Variants in RYR1 observed in about 807,000 individuals in gnomAD.
The protein encoded by RYR1 is central core disease of muscle.
In RYR1, 342 loss-of-function variants were observed where a neutral mutation model predicts 583.5. That is an observed-to-expected ratio of 0.59 (90% confidence interval 0.54 to 0.64). The LOEUF is 0.64. Among genes scored for constraint, RYR1 ranks in the 30% least tolerant of loss-of-function variants. The pLI, the probability that RYR1 is intolerant of heterozygous loss-of-function variation, is 0.00. For synonymous variants in RYR1, 2,791 were observed against 2,822.5 expected, an observed-to-expected ratio of 0.99 and a Z score of 0.35; for missense variants, 6,032 against 6,917.2, an observed-to-expected ratio of 0.87 and a Z score of 4.54.
rs1393018982 is a variant in RYR1 at position 38,535,353 on chromosome 19, G to T, written c.11477G>T (p.Gly3826Val). 14 of 1,613,996 alleles carry T rather than the reference G, an allele frequency of 8.7e-6. No homozygotes were observed. The Admixed American group carries it at 2.2e-4, about 25-fold the overall frequency. ...LDYLKDKKEV[G>V]FFQSIQALMQ... ...TATCTTAAGGACAAGAAGGAAGTTGGCTTCTTCCAGAGTATCCAGGCACTG... is the reference window on the plus strand; with the variant it reads ...TATCTTAAGGACAAGAAGGAAGTTGTCTTCTTCCAGAGTATCCAGGCACTG... Residue 3826 changes from glycine to valine, a missense_variant, in exon 81 of 106, where the codon GGC (glycine) becomes GTC (valine). Gly to Val is a moderately radical substitution (Grantham distance 109). Around this residue, in one of 11 missense-constraint regions of RYR1, gnomAD observed 1,493 missense variants for 1,715.5 expected, o/e 0.87. Transcript: ENST00000359596.
chr19:38,519,604 C>A, intron 67 of RYR1, 150 bp downstream of exon 67: 2 of 945,420 alleles, frequency 2.1e-6, no homozygotes, highest in Non-Finnish European at 3.2e-6. Context: ...TTTCTTCTGG[C>A]TTTGAGCACA....
chr19:38,462,161 C>T (rs968114205), intron 20 of RYR1, among the ~76,000 whole-genome samples: 2 of 152,198 alleles, frequency 1.3e-5, no homozygotes, highest in Non-Finnish European at 2.9e-5. Context: ...GTTTGGTTTT[C>T]AGTCACGTGA....
At position 38,452,954 on chromosome 19, in the gene RYR1, C is replaced by G. The variant is rs750304434; in HGVS notation, c.1380C>G (p.His460Gln). The change falls in exon 13 of 106, where the codon CAC (histidine) becomes CAG (glutamine). Residue 460 changes from histidine (H) to glutamine (Q), a missense_variant. Transcript: ENST00000359596. ...AGCCTCCCTCCGAGGACTTGCAGCACGAGGAGAAGCAGAGCAAGCTGCGAA... is the reference window on the plus strand; with the variant it reads ...AGCCTCCCTCCGAGGACTTGCAGCAGGAGGAGAAGCAGAGCAAGCTGCGAA... ...YFEPPSEDLQ[H>Q]EEKQSKLRSL... 1 of 1,613,990 alleles carries G rather than the reference C, an allele frequency of 6.2e-7. No homozygotes were observed. The highest frequency in any genetic ancestry group is 2.2e-5 in the East Asian group (1 of 44,878).
At chr19:38,455,015 T>C (rs1019504781) in intron 13 of RYR1, among the ~76,000 whole-genome samples, 2 of 152,136 alleles carry the variant, frequency 1.3e-5, no homozygotes, top group East Asian at 1.9e-4. Context: ...GAATCTCATA[T>C]TGGGGATAGA....
At chr19:38,480,435 C>T (rs1368595334) in intron 31 of RYR1, among the ~76,000 whole-genome samples, 1 of 152,176 alleles carries the variant, frequency 6.6e-6, no homozygotes, top group East Asian at 1.9e-4. Flanking sequence ...TAAGCCACTG[C>T]GCCTGGCTTG....
chr19:38,524,036 C>G (rs1383649924), intron 70 of RYR1, 107 bp downstream of exon 70: 6 of 1,273,530 alleles, frequency 4.7e-6, no homozygotes, highest in Admixed American at 2.0e-5. Context: ...GTTCCCCACC[C>G]CCGTCCTCCC....
At chr19:38,571,537 T>C (rs1973714111) in intron 94 of RYR1, among the ~76,000 whole-genome samples, 1 of 152,090 alleles carries the variant, frequency 6.6e-6, no homozygotes, top group African/African-American at 2.4e-5. Context: ...TGCAGGAGGC[T>C]GAGGCAGTAG....
Position 38,506,097 on chromosome 19 carries a change from G to A in RYR1, c.8541+151G>A. 2.5e-6 allele frequency: 3 copies of A among 1,180,728 alleles called. No individual in the cohort carries two copies. In the Admixed American group the frequency reaches 6.3e-5, roughly 25 times the overall value. 73.1% of individuals were successfully genotyped at this position (1,180,728 alleles called of 1,614,324 possible). ...TGCAGAAACCTGAGATCTGGGAAAG[G>A]AGAGGGCAGGGGTCTGAAGAACTGC... On this transcript the variant is annotated intron_variant, in intron 54 of 105. Coordinates refer to ENST00000359596, the MANE Select transcript of RYR1 (RefSeq NM_000540.3).
intron 101 of RYR1, among the ~76,000 whole-genome samples, chr19:38,584,736 AC>A (rs2145912051): frequency 9.7e-6 from 1 of 102,642 alleles, no homozygotes; most frequent in East Asian, 2.5e-4. Context: ...CCTGGCCCTC[AC>A]CCCCCTGCCC....
intron 89 of RYR1, among the ~76,000 whole-genome samples, chr19:38,556,830 T>C (rs1972898063): frequency 6.6e-6 from 1 of 152,168 alleles, no homozygotes. Flanking sequence ...TCATTTCATG[T>C]GTTCCTGTGT....
At position 38,496,840 on chromosome 19, in the gene RYR1, C is replaced by T. The variant is rs1440094290; in HGVS notation, c.6797-20C>T. The T allele has an allele frequency of 1.2e-6, 2 of 1,601,944 alleles. No homozygotes were observed. The highest frequency in any genetic ancestry group is 1.7e-6 in the Non-Finnish European group (2 of 1,169,744). On this transcript the variant is annotated intron_variant, in intron 41 of 105. Transcript: ENST00000359596. The surrounding 1 kb of genome is among the most constrained non-coding windows in gnomAD (Gnocchi z 4.8). Reference sequence around the variant, plus strand: ...AGACAAGCAGGAGTGAGATGTTCTCCCCACCTCTCGCCCCTGCAGGCATGC... The same window carrying T: ...AGACAAGCAGGAGTGAGATGTTCTCTCCACCTCTCGCCCCTGCAGGCATGC...
intron 36 of RYR1, 56 bp downstream of exon 36, chr19:38,490,332 C>A (rs1279459089): frequency 4.6e-6 from 7 of 1,516,498 alleles, no homozygotes; most frequent in Non-Finnish European, 6.3e-6. Flanking sequence ...ACCTCAACAT[C>A]TCCTGACTCT....
At position 38,512,789 on chromosome 19, in the gene RYR1, C is replaced by G. The variant is rs1396507567; in HGVS notation, c.9472+306C>G. Among the ~76,000 whole-genome samples, 1 of 151,242 alleles carries G rather than the reference C, an allele frequency of 6.6e-6. No individual in the cohort carries two copies. Among genetic ancestry groups the G allele is most frequent in the Non-Finnish European group, 1.5e-5 (1 of 67,872 alleles). On this transcript the variant is annotated intron_variant, in intron 63 of 105. Coordinates refer to ENST00000359596, the MANE Select transcript of RYR1 (RefSeq NM_000540.3). This position sits in a 1 kb window ranked among gnomAD's most constrained non-coding sequence, Gnocchi z 5.1. ...GACCAGCTTGGGCAACATAGCGAGA[C>G]CCTGTCTCTACTAAAAAAAAAAAGA... is the stretch of plus-strand genomic sequence containing the variant.
In RYR1 at chr19:38,512,126, A is replaced by C; in HGVS notation, c.9227A>C (p.Asp3076Ala). 6.2e-7 allele frequency: 1 copy of C among 1,614,098 alleles called. No individual in the cohort carries two copies. The highest frequency in any genetic ancestry group is 8.5e-7 in the Non-Finnish European group (1 of 1,179,998). Residue 3076 changes from aspartate (D) to alanine (A), a missense_variant, in exon 62 of 106, where the codon GAT becomes GCT. Around this residue, in one of 11 missense-constraint regions of RYR1, gnomAD observed 1,493 missense variants for 1,715.5 expected, o/e 0.87. Transcript: ENST00000359596. This position sits in a 1 kb window ranked among gnomAD's most constrained non-coding sequence, Gnocchi z 5.1. ...NCLHILARSL[D>A]ARTVMKSGPE... ...CTTCACATCCTGGCCCGCTCCCTGGATGCCAGGTAGGGCCATAGGCAGTGG... is the reference window on the plus strand; with the variant it reads ...CTTCACATCCTGGCCCGCTCCCTGGCTGCCAGGTAGGGCCATAGGCAGTGG...
intron 24 of RYR1, 112 bp from the exon 25 acceptor site, chr19:38,467,498 C>A: frequency 1.7e-6 from 2 of 1,160,098 alleles, no homozygotes; most frequent in East Asian, 2.3e-5. Flanking sequence ...CCTCTTCCAA[C>A]AGTTCCCCAA....
Position 38,451,478 on chromosome 19 carries a change from GGATAGAGA to G in RYR1, c.1123-276_1123-269del, listed in dbSNP as rs1211763179. Among the ~76,000 whole-genome samples, 6 of 152,164 alleles carry G rather than the reference GGATAGAGA, an allele frequency of 3.9e-5. No individual in the cohort carries two copies. The East Asian group carries it at 1.2e-3, about 29-fold the overall frequency. ...GGAGACAGAGACAGGAAGGAGATAGGGATAGAGAGATAGAGAGGGAGAGGCAGGGACAG... is the reference window on the plus strand; with the variant it reads ...GGAGACAGAGACAGGAAGGAGATAGGGATAGAGAGGGAGAGGCAGGGACAG... On this transcript the variant is annotated intron_variant, in intron 11 of 105. Transcript: ENST00000359596.
Position 38,512,142 on chromosome 19 carries a change from T to C in RYR1, c.9233+10T>C, listed in dbSNP as rs754695371. ...GCTCCCTGGATGCCAGGTAGGGCCA[T>C]AGGCAGTGGCGCCCACTCCCACCAT... On this transcript the variant is annotated intron_variant, in intron 62 of 105. Coordinates refer to ENST00000359596, the MANE Select transcript of RYR1 (RefSeq NM_000540.3). This position sits in a 1 kb window ranked among gnomAD's most constrained non-coding sequence, Gnocchi z 5.1. 1.4e-5 allele frequency: 23 copies of C among 1,614,062 alleles called. No individual in the cohort carries two copies. The highest frequency in any genetic ancestry group is 1.8e-5 in the Non-Finnish European group (21 of 1,179,984).
chr19:38,514,795 A>G (rs1225559156), intron 63 of RYR1, among the ~76,000 whole-genome samples: 1 of 151,898 alleles, frequency 6.6e-6, no homozygotes. Flanking sequence ...TTTGATACTC[A>G]CGACCACCCC....
At chr19:38,519,165 C>T in intron 66 of RYR1, 49 bp from the exon 67 acceptor site, 1 of 1,613,452 alleles carries the variant, frequency 6.2e-7, no homozygotes, top group Non-Finnish European at 8.5e-7. Context: ...GAGTTTGGGG[C>T]CTGTGTCAGA....
Sources: gnomAD v4.1 joint callset for allele counts (sites outside exome capture counted in the v4.1 genomes callset) on GRCh38, gnomAD v4.1.1 for gene constraint, gnomAD v4.1.1 regional missense constraint, Gnocchi (gnomAD v3.1) non-coding constraint, MANE v1.5 for transcripts, NCBI Gene and HGNC (gene_info 2026-07-23, HGNC 2026-07-21) for gene names.